The following GTF3C4 variants were observed in gnomAD, a reference collection of about 807,000 sequenced individuals.
The protein encoded by GTF3C4 is general transcription factor 3C polypeptide 4.
Under a neutral mutation model 67.5 loss-of-function variants are expected in GTF3C4, and 28 were observed. That is an observed-to-expected ratio of 0.41 (90% CI 0.31 to 0.57). GTF3C4 has a LOEUF of 0.57. Ranked by LOEUF, GTF3C4 falls within the 20% of genes least tolerant of loss-of-function variation. The pLI, the probability that GTF3C4 is intolerant of heterozygous loss-of-function variation, is 0.21. For missense variants in GTF3C4, 831 were observed against 1,033.2 expected, an observed-to-expected ratio of 0.80 and a Z score of 2.68; for synonymous variants, 409 against 393.0, an observed-to-expected ratio of 1.04 and a Z score of -0.48.
At chr9:132,671,897 G>A (rs1835778689) in intron 1 of GTF3C4, among the ~76,000 whole-genome samples, 1 of 152,178 alleles carries the variant, frequency 6.6e-6, no homozygotes, top group Non-Finnish European at 1.5e-5. Flanking sequence ...CTGTAAAGAT[G>A]TGTATCCGCA....
rs1183942642 is a variant in GTF3C4, at chr9:132,694,416, GT to G, written c.*5473del. ...GCTACTCCTGCCAGAAGAGGGCAGA[GT>G]TCTTTCTTGGGTTTGAACTGGCTTT... is the stretch of plus-strand genomic sequence containing the variant. On this transcript the variant is annotated 3_prime_UTR_variant, in exon 5 of 5. Coordinates refer to ENST00000372146, the MANE Select transcript of GTF3C4 (RefSeq NM_012204.4). 1.4e-4 allele frequency: 22 copies of G among 152,366 alleles called. No individual in the cohort carries two copies. Among genetic ancestry groups the G allele is most frequent in the Non-Finnish European group, 1.5e-5 (1 of 68,042 alleles). The allele number at this position is 152,366 out of a possible 1,614,324, so 9.4% of individuals were successfully genotyped here. A position where few individuals can be genotyped will look rare whatever the true frequency, so the allele number is the denominator to read the frequency against.
chr9:132,680,118 G>A lies in GTF3C4; in HGVS notation c.2184+315G>A, dbSNP rs11243876. ...TAGTATGTGATGGGCAATCATGGCT[G>A]TAGAAATATGGTGCCCATGCTCCCT... is the stretch of plus-strand genomic sequence containing the variant. On this transcript the variant is annotated intron_variant, in intron 2 of 4. Transcript: ENST00000372146. 5.4e-3 allele frequency among the ~76,000 whole-genome samples: 816 copies of A among 152,312 alleles called. 9 individuals are homozygous for A. The highest frequency in any genetic ancestry group is 0.018 in the African/African-American group (761 of 41,564).
Position 132,670,538 on chromosome 9 carries a change from G to T in GTF3C4, c.-61G>T. On this transcript the variant is annotated 5_prime_UTR_variant, in exon 1 of 5. Coordinates refer to ENST00000372146, the MANE Select transcript of GTF3C4 (RefSeq NM_012204.4). ...GCGCTGGGGGTGGCGGCGGCGGTCC[G>T]GGAGGTGGTCGCGCGACTGCGTGGA... 1 of 1,263,372 alleles carries T rather than the reference G, an allele frequency of 7.9e-7. No homozygotes were observed. Among genetic ancestry groups the T allele is most frequent in the South Asian group, 1.7e-5 (1 of 57,468 alleles). The allele number at this position is 1,263,372 out of a possible 1,614,324, so 78.3% of individuals were successfully genotyped here.
At chr9:132,676,206 G>T (rs1038692147) in intron 1 of GTF3C4, among the ~76,000 whole-genome samples, 2 of 150,954 alleles carry the variant, frequency 1.3e-5, no homozygotes, top group Non-Finnish European at 3.0e-5. Context: ...GCCATCCTTT[G>T]CTTGTTTCTA....
chr9:132,684,887 T>C (rs1294175195), intron 3 of GTF3C4, among the ~76,000 whole-genome samples: 1 of 152,210 alleles, frequency 6.6e-6, no homozygotes, highest in East Asian at 1.9e-4. Context: ...TAATTATCAC[T>C]ATTTAATATA....
rs1281273619 is a variant in GTF3C4 at position 132,694,369 on chromosome 9, C to T, written c.*5424C>T. On this transcript the variant is annotated 3_prime_UTR_variant, in exon 5 of 5. Transcript: ENST00000372146. ...CATCAGGATGAAATGTGGTTCACTTCCCCTGTGTTCAACACTACAAAGCTA... is the reference window on the plus strand; with the variant it reads ...CATCAGGATGAAATGTGGTTCACTTTCCCTGTGTTCAACACTACAAAGCTA... 6.6e-6 allele frequency: 1 copy of T among 152,216 alleles called. No homozygotes were observed. Among genetic ancestry groups the T allele is most frequent in the Admixed American group, 6.5e-5 (1 of 15,288 alleles). The allele number at this position is 152,216 out of a possible 1,614,324, so 9.4% of individuals were successfully genotyped here.
Position 132,670,538 on chromosome 9 carries a change from G to C in GTF3C4, c.-61G>C. The C allele has an allele frequency of 7.9e-7, 1 of 1,263,376 alleles. No homozygotes were observed. The highest frequency in any genetic ancestry group is 1.0e-6 in the Non-Finnish European group (1 of 960,546). 78.3% of individuals were successfully genotyped at this position (1,263,376 alleles called of 1,614,324 possible). A position where few individuals can be genotyped will look rare whatever the true frequency, so the allele number is the denominator to read the frequency against. ...GCGCTGGGGGTGGCGGCGGCGGTCC[G>C]GGAGGTGGTCGCGCGACTGCGTGGA... On this transcript the variant is annotated 5_prime_UTR_variant, in exon 1 of 5. Transcript: ENST00000372146.
intron 1 of GTF3C4, among the ~76,000 whole-genome samples, chr9:132,674,484 A>G (rs1443573847): frequency 3.3e-5 from 5 of 152,230 alleles, no homozygotes; most frequent in Non-Finnish European, 7.3e-5. Flanking sequence ...TCTTCCCACA[A>G]TGAGTAGGAC....
At chr9:132,681,724 A>G (rs566783314) in intron 2 of GTF3C4, among the ~76,000 whole-genome samples, 6 of 152,156 alleles carry the variant, frequency 3.9e-5, no homozygotes, top group South Asian at 4.1e-4. Context: ...TGGAAGGACT[A>G]TCACTCCCAT....
chr9:132,693,935 A>G lies in GTF3C4; in HGVS notation c.*4990A>G, dbSNP rs1405232903. 6.6e-6 allele frequency: 1 copy of G among 152,180 alleles called. No homozygotes were observed. The highest frequency in any genetic ancestry group is 1.9e-4 in the East Asian group (1 of 5,198). The allele number at this position is 152,180 out of a possible 1,614,324, so 9.4% of individuals were successfully genotyped here. ...TGTTGTGTATAGTGATACATGTTTT[A>G]TGTTTACCCAATGCCTGTACTAAAT... On this transcript the variant is annotated 3_prime_UTR_variant, in exon 5 of 5. Coordinates refer to ENST00000372146, the MANE Select transcript of GTF3C4 (RefSeq NM_012204.4).
At chr9:132,676,743 C>T (rs1835870231) in intron 1 of GTF3C4, among the ~76,000 whole-genome samples, 1 of 152,142 alleles carries the variant, frequency 6.6e-6, no homozygotes. Flanking sequence ...CTTTCTGTGT[C>T]CTGGAGGGTA....
In GTF3C4 at chr9:132,690,800, G is replaced by T. The variant is rs369778037; in HGVS notation, c.*1855G>T. Reference sequence around the variant, plus strand: ...TTTTTTCACTTTACAATAAATAAGAGTAAAAATTGAGATCATGTCAAAAAA... The same window carrying T: ...TTTTTTCACTTTACAATAAATAAGATTAAAAATTGAGATCATGTCAAAAAA... On this transcript the variant is annotated 3_prime_UTR_variant, in exon 5 of 5. Transcript: ENST00000372146. 6.6e-6 allele frequency: 1 copy of T among 152,116 alleles called. No individual in the cohort carries two copies. Among genetic ancestry groups the T allele is most frequent in the African/African-American group, 2.4e-5 (1 of 41,402 alleles). The allele number at this position is 152,116 out of a possible 1,614,324, so 9.4% of individuals were successfully genotyped here. A position where few individuals can be genotyped will look rare whatever the true frequency, so the allele number is the denominator to read the frequency against.
rs1836161376 is a variant in GTF3C4, at chr9:132,694,130, GATAACAATGCATTTTGCTTGGA to G, written c.*5189_*5210del. 6.6e-6 allele frequency: 1 copy of G among 151,962 alleles called. No individual in the cohort carries two copies. Among genetic ancestry groups the G allele is most frequent in the Non-Finnish European group, 1.5e-5 (1 of 67,990 alleles). 9.4% of individuals were successfully genotyped at this position (151,962 alleles called of 1,614,324 possible). A position where few individuals can be genotyped will look rare whatever the true frequency, so the allele number is the denominator to read the frequency against. On this transcript the variant is annotated 3_prime_UTR_variant, in exon 5 of 5. Coordinates refer to ENST00000372146, the MANE Select transcript of GTF3C4 (RefSeq NM_012204.4). ...TTTTGGTGTTGAAAAAAAAAAGTTT[GATAACAATGCATTTTGCTTGGA>G]ATACCCCCCAATCCAGAAAAGTTGG...
rs761918283 is a variant in GTF3C4 at position 132,679,712 on chromosome 9, A to G, written c.2093A>G (p.His698Arg). ...CGAGTCTTAGGAGAAGTGTATCTGCACACCTGGATCACAGAAAACACTAGC... is the reference window on the plus strand; with the variant it reads ...CGAGTCTTAGGAGAAGTGTATCTGCGCACCTGGATCACAGAAAACACTAGC... The part of the protein sequence containing the change: ...MKRVLGEVYL[H>R]TWITENTSIP... The change falls in exon 2 of 5, where the codon CAC becomes CGC. Residue 698 changes from histidine to arginine, a missense_variant. Coordinates refer to ENST00000372146, the MANE Select transcript of GTF3C4 (RefSeq NM_012204.4). This position sits in a 1 kb window ranked among gnomAD's most constrained non-coding sequence, Gnocchi z 5.9. The G allele has an allele frequency of 6.2e-7, 1 of 1,614,114 alleles. No individual in the cohort carries two copies. Among genetic ancestry groups the G allele is most frequent in the Non-Finnish European group, 8.5e-7 (1 of 1,179,958 alleles).
rs150083917 is a variant in GTF3C4, at chr9:132,689,105, G to A, written c.*160G>A. 48 of 617,296 alleles carry A rather than the reference G, an allele frequency of 7.8e-5. No individual in the cohort carries two copies. The East Asian group carries it at 1.0e-3, about 13-fold the overall frequency. 38.2% of individuals were successfully genotyped at this position (617,296 alleles called of 1,614,324 possible). On this transcript the variant is annotated 3_prime_UTR_variant, in exon 5 of 5. Coordinates refer to ENST00000372146, the MANE Select transcript of GTF3C4 (RefSeq NM_012204.4). Reference sequence around the variant, plus strand: ...GGCCCCTGGAGCTCATTTCTGAATCGCACTCTCCATTTCCAGAGACTAAAG... The same window carrying A: ...GGCCCCTGGAGCTCATTTCTGAATCACACTCTCCATTTCCAGAGACTAAAG...
At position 132,678,967 on chromosome 9, in the gene GTF3C4, C is replaced by T. The variant is rs1835903031; in HGVS notation, c.1348C>T (p.Leu450=). The change falls in exon 2 of 5, where the codon CTG becomes TTG. Residue 450 remains leucine (L), a synonymous_variant. Transcript: ENST00000372146. This position sits in a 1 kb window ranked among gnomAD's most constrained non-coding sequence, Gnocchi z 6.5. ...CTCCAGTGACGGAAAGGTGAGGCAG[C>T]TGATTCCCATTTTCACAGATGTTGC... ...TCSSDGKVRQ[L]IPIFTDVALK... The T allele has an allele frequency of 6.2e-7, 1 of 1,614,090 alleles. No homozygotes were observed. Among genetic ancestry groups the T allele is most frequent in the African/African-American group, 1.3e-5 (1 of 74,932 alleles).
At chr9:132,684,160 T>G (rs570183343) in intron 3 of GTF3C4, among the ~76,000 whole-genome samples, 1 of 152,322 alleles carries the variant, frequency 6.6e-6, no homozygotes, top group South Asian at 2.1e-4. Context: ...CTGTCTGTCT[T>G]TCTGCCTGTT....
rs1248422471 is a variant in GTF3C4 at position 132,670,856 on chromosome 9, C to T, written c.258C>T (p.Ile86=). The part of the protein sequence containing the change: ...HRVSVSTARS[I]AVLELICDVH... The stretch of plus-strand genomic sequence containing the variant: ...TGTCTGTGTCCACGGCCCGCAGCAT[C>T]GCTGTGCTGGAGCTCATCTGCGACG... The change falls in exon 1 of 5, where the codon ATC becomes ATT. Residue 86 remains isoleucine (I), a synonymous_variant. Coordinates refer to ENST00000372146, the MANE Select transcript of GTF3C4 (RefSeq NM_012204.4). 1 of 1,611,918 alleles carries T rather than the reference C, an allele frequency of 6.2e-7. No homozygotes were observed. The highest frequency in any genetic ancestry group is 8.5e-7 in the Non-Finnish European group (1 of 1,179,856).
chr9:132,687,310 G>A lies in GTF3C4; in HGVS notation c.2387G>A (p.Arg796Gln), dbSNP rs765957834. The A allele has an allele frequency of 4.7e-6, 6 of 1,282,620 alleles. No homozygotes were observed. The highest frequency in any genetic ancestry group is 6.3e-6 in the Non-Finnish European group (6 of 950,750). 79.5% of individuals were successfully genotyped at this position (1,282,620 alleles called of 1,614,324 possible). Residue 796 changes from arginine to glutamine, a missense_variant, in exon 4 of 5, where the codon CGG becomes CAG. By Grantham distance (43) the Arg-to-Gln change is conservative. Around this residue, in one of 4 missense-constraint regions of GTF3C4, gnomAD observed 129 missense variants for 213.8 expected, o/e 0.60. Coordinates refer to ENST00000372146, the MANE Select transcript of GTF3C4 (RefSeq NM_012204.4). ...TGTTTGCTCCATGACAGCATTGCCC[G>A]GCATCCAGCTCCAGAAGGTGAGTGC... is the stretch of plus-strand genomic sequence containing the variant. ...RRCLLHDSIARHPAPEDPDWI... is the reference protein window; with the variant it reads ...RRCLLHDSIAQHPAPEDPDWI...
Sources: gnomAD v4.1 joint callset for allele counts (sites outside exome capture counted in the v4.1 genomes callset) on GRCh38, gnomAD v4.1.1 for gene constraint, gnomAD v4.1.1 regional missense constraint, Gnocchi (gnomAD v3.1) non-coding constraint, MANE v1.5 for transcripts, NCBI Gene and HGNC (gene_info 2026-07-23, HGNC 2026-07-21) for gene names.